EIF4EBP2: variants seen among roughly 807,000 people sequenced by gnomAD.
EIF4EBP2 encodes eukaryotic translation initiation factor 4E-binding protein 2.
EIF4EBP2 carries 5 observed loss-of-function variants against 10.3 expected under a neutral mutation model. The ratio of observed to expected loss-of-function variants is 0.48; its 90% CI spans 0.25 to 1.02. EIF4EBP2 has a LOEUF of 1.02. EIF4EBP2 is among the 50% of genes least tolerant of loss of function. EIF4EBP2 has a pLI of 0.15. For synonymous variants in EIF4EBP2, 67 were observed against 61.1 expected (o/e 1.10, Z -0.45); for missense variants, 188 against 162.2 (o/e 1.16, Z -0.86).
rs370665696 is a variant in EIF4EBP2, at chr10:70,416,577, C to CAA, written c.146-3320_146-3319dup. Among the ~76,000 whole-genome samples the CAA allele has an allele frequency of 4.7e-3, 376 of 79,582 alleles. 5 individuals are homozygous for CAA. The highest frequency in any genetic ancestry group is 9.4e-3 in the African/African-American group (192 of 20,464). 52.2% of individuals were successfully genotyped at this position (79,582 alleles called of 152,430 possible). The stretch of plus-strand genomic sequence containing the variant: ...CTGGTGACATAGCGAGACTCTGTCT[C>CAA]AAAAAAAAAAAAAAAAAACCAGGCA... On this transcript the variant is annotated intron_variant, in intron 1 of 2. Coordinates refer to ENST00000373218, the MANE Select transcript of EIF4EBP2 (RefSeq NM_004096.5).
chr10:70,410,229 G>A (rs1018495757), intron 1 of EIF4EBP2, among the ~76,000 whole-genome samples: 1 of 152,026 alleles, frequency 6.6e-6, no homozygotes, highest in Non-Finnish European at 1.5e-5. Context: ...ACCACCACGC[G>A]TGGCTGATTT....
intron 1 of EIF4EBP2, among the ~76,000 whole-genome samples, chr10:70,409,412 A>G (rs1332450070): frequency 6.6e-6 from 1 of 152,202 alleles, no homozygotes; most frequent in Non-Finnish European, 1.5e-5. Context: ...AGTTGGCTCC[A>G]CTTTTAATAA....
intron 1 of EIF4EBP2, among the ~76,000 whole-genome samples, chr10:70,407,707 C>G (rs1156615424): frequency 7.0e-6 from 1 of 142,576 alleles, no homozygotes; most frequent in African/African-American, 2.6e-5. Context: ...AGAGGCGCCG[C>G]TCACCTCCCG....
rs1369596391 is a variant in EIF4EBP2 at position 70,423,078 on chromosome 10, G to A, written c.*1331G>A. The A allele has an allele frequency of 6.6e-6, 1 of 152,446 alleles. No individual in the cohort carries two copies. The highest frequency in any genetic ancestry group is 1.5e-5 in the Non-Finnish European group (1 of 68,024). 9.4% of individuals were successfully genotyped at this position (152,446 alleles called of 1,614,324 possible). ...GAAGTGTTGGTATCTGAGAATATCT[G>A]TCACTCCTCTTATCTGAGAAGTGAC... On this transcript the variant is annotated 3_prime_UTR_variant, in exon 3 of 3. Coordinates refer to ENST00000373218, the MANE Select transcript of EIF4EBP2 (RefSeq NM_004096.5).
Position 70,421,936 on chromosome 10 carries a change from C to T in EIF4EBP2, c.*189C>T. 3 of 587,300 alleles carry T rather than the reference C, an allele frequency of 5.1e-6. No homozygotes were observed. Among genetic ancestry groups the T allele is most frequent in the South Asian group, 4.4e-5 (2 of 45,460 alleles). 36.4% of individuals were successfully genotyped at this position (587,300 alleles called of 1,614,324 possible). On this transcript the variant is annotated 3_prime_UTR_variant, in exon 3 of 3. Transcript: ENST00000373218. ...AGCTTCATCTGACCATTTCTTCTCC[C>T]TGTCTCCTGTTCCCCTTCCCAGTTA...
intron 1 of EIF4EBP2, among the ~76,000 whole-genome samples, chr10:70,413,908 G>C (rs756709024): frequency 1.6e-4 from 25 of 152,074 alleles, no homozygotes; most frequent in African/African-American, 7.2e-5. Flanking sequence ...TGTGTAGTCT[G>C]TTTTCCTTCT....
chr10:70,404,908 T>G lies in EIF4EBP2; in HGVS notation c.145+362T>G, dbSNP rs61858102. ...ACAGTCTGCATTGCCTGTCGTAGAT[T>G]GTGCAAATTAATGCTTGATTTTGGA... On this transcript the variant is annotated intron_variant, in intron 1 of 2. Transcript: ENST00000373218. 2.4e-3 allele frequency among the ~76,000 whole-genome samples: 363 copies of G among 152,376 alleles called. 2 individuals are homozygous for G. The highest frequency in any genetic ancestry group is 3.4e-3 in the Middle Eastern group (1 of 294).
intron 1 of EIF4EBP2, among the ~76,000 whole-genome samples, chr10:70,409,183 A>G (rs1845016002): frequency 6.6e-6 from 1 of 152,196 alleles, no homozygotes; most frequent in Non-Finnish European, 1.5e-5. Context: ...AGTGGGTGAA[A>G]ACACACTTGC....
chr10:70,420,899 A>G (rs1368190449), intron 2 of EIF4EBP2, among the ~76,000 whole-genome samples: 3 of 151,882 alleles, frequency 2.0e-5, no homozygotes, highest in African/African-American at 7.3e-5. Context: ...GGTTCACGCC[A>G]TTCTCCTGCC....
intron 1 of EIF4EBP2, among the ~76,000 whole-genome samples, chr10:70,407,321 C>A (rs554724185): frequency 3.9e-5 from 6 of 152,196 alleles, no homozygotes; most frequent in South Asian, 2.1e-4. Context: ...TGACTCTTAA[C>A]GAGCACGCTG....
rs979673664 is a variant in EIF4EBP2 at position 70,426,337 on chromosome 10, C to G, written c.*4590C>G. On this transcript the variant is annotated 3_prime_UTR_variant, in exon 3 of 3. Transcript: ENST00000373218. ...GGGTGCTGGAGTGCAGTGGTGCGATCTCAGCTCACTGCAGCCTCTGCTTCC... is the reference window on the plus strand; with the variant it reads ...GGGTGCTGGAGTGCAGTGGTGCGATGTCAGCTCACTGCAGCCTCTGCTTCC... 6.6e-6 allele frequency: 1 copy of G among 152,262 alleles called. No individual in the cohort carries two copies. The highest frequency in any genetic ancestry group is 1.5e-5 in the Non-Finnish European group (1 of 68,084). 9.4% of individuals were successfully genotyped at this position (152,262 alleles called of 1,614,324 possible). A position where few individuals can be genotyped will look rare whatever the true frequency, so the allele number is the denominator to read the frequency against.
intron 1 of EIF4EBP2, among the ~76,000 whole-genome samples, chr10:70,417,928 A>G (rs987006067): frequency 2.0e-5 from 3 of 152,222 alleles, no homozygotes; most frequent in African/African-American, 7.2e-5. Context: ...CTTATTTTAC[A>G]TAGCATGCTA....
intron 1 of EIF4EBP2, among the ~76,000 whole-genome samples, chr10:70,419,092 C>G (rs1845128332): frequency 6.6e-6 from 1 of 152,238 alleles, no homozygotes; most frequent in Non-Finnish European, 1.5e-5. Context: ...GTTGGAATTA[C>G]AGGCATGAGC....
chr10:70,410,712 T>C (rs551317657), intron 1 of EIF4EBP2, among the ~76,000 whole-genome samples: 1 of 152,384 alleles, frequency 6.6e-6, no homozygotes, highest in South Asian at 2.1e-4. Flanking sequence ...CTTTCTTATT[T>C]TCCCTTATGG....
Position 70,426,207 on chromosome 10 carries a change from CAA to C in EIF4EBP2, c.*4461_*4462del, listed in dbSNP as rs1478911612. On this transcript the variant is annotated 3_prime_UTR_variant, in exon 3 of 3. Transcript: ENST00000373218. The stretch of plus-strand genomic sequence containing the variant: ...TGTGTTTCTGGCACTCATTCCTAAC[CAA>C]GTCTTTAGAGATTTCAGATGACCTT... 2 of 152,188 alleles carry C rather than the reference CAA, an allele frequency of 1.3e-5. No homozygotes were observed. The highest frequency in any genetic ancestry group is 2.9e-5 in the Non-Finnish European group (2 of 68,040). The allele number at this position is 152,188 out of a possible 1,614,324, so 9.4% of individuals were successfully genotyped here.
intron 1 of EIF4EBP2, among the ~76,000 whole-genome samples, chr10:70,406,216 C>T (rs1040039813): frequency 6.6e-6 from 1 of 152,130 alleles, no homozygotes; most frequent in African/African-American, 2.4e-5. Flanking sequence ...TCAAGTTATT[C>T]GCCCCGTCAG....
At chr10:70,411,449 A>G (rs1031006271) in intron 1 of EIF4EBP2, among the ~76,000 whole-genome samples, 3 of 151,974 alleles carry the variant, frequency 2.0e-5, no homozygotes, top group Admixed American at 1.3e-4. Flanking sequence ...TGTAAAAGTC[A>G]TATAGTCTTA....
chr10:70,404,855 C>A (rs532951363), intron 1 of EIF4EBP2, among the ~76,000 whole-genome samples: 1 of 152,364 alleles, frequency 6.6e-6, no homozygotes, highest in South Asian at 2.1e-4. Context: ...CCTTCCCGGG[C>A]GGATTTGGCT....
chr10:70,404,696 C>A, intron 1 of EIF4EBP2, 150 bp downstream of exon 1: 2 of 1,075,732 alleles, frequency 1.9e-6, no homozygotes, highest in Non-Finnish European at 2.5e-6. Context: ...GCGTTCGGGA[C>A]CCTTTACTTC....
Sources: gnomAD v4.1 joint callset for allele counts (sites outside exome capture counted in the v4.1 genomes callset) on GRCh38, gnomAD v4.1.1 for gene constraint, MANE v1.5 for transcripts, NCBI Gene and HGNC (gene_info 2026-07-23, HGNC 2026-07-21) for gene names.